DNAH11: variants seen among roughly 807,000 people sequenced by gnomAD.
The protein encoded by DNAH11 is axonemal beta dynein heavy chain 11.
In DNAH11, 442 loss-of-function variants were observed where a neutral mutation model predicts 526.0. That is an observed-to-expected ratio of 0.84 (90% CI 0.78 to 0.91). The LOEUF is 0.91. Ranked by LOEUF, DNAH11 falls within the 40% of genes least tolerant of loss-of-function variation. DNAH11 has a pLI of 0.00. For missense variants in DNAH11, 6,989 were observed against 5,448.7 expected (o/e 1.28, Z -8.90); for synonymous variants, 2,461 against 1,935.9 (o/e 1.27, Z -7.12).
Position 21,901,238 on chromosome 7 carries a change from T to C in DNAH11, c.13535T>C (p.Leu4512Pro), listed in dbSNP as rs1562614924. Reference protein sequence around the residue: ...TAKWVLAGVALLLEA With the variant: ...TAKWVLAGVAPLLEA ...AAATGGGTTCTGGCTGGAGTGGCTC[T>C]GCTTCTAGAAGCGTAAGGTAACACT... Residue 4512 changes from leucine to proline, a missense_variant, in exon 82 of 82, where the codon CTG becomes CCG. Transcript: ENST00000409508. 1 of 1,607,480 alleles carries C rather than the reference T, an allele frequency of 6.2e-7. No individual in the cohort carries two copies. Among genetic ancestry groups the C allele is most frequent in the East Asian group, 2.2e-5 (1 of 44,520 alleles).
intron 45 of DNAH11, among the ~76,000 whole-genome samples, chr7:21,733,736 G>A (rs1785487884): frequency 6.6e-6 from 1 of 152,092 alleles, no homozygotes; most frequent in African/African-American, 2.4e-5. Flanking sequence ...AATAATAATA[G>A]CAAATACAAT....
chr7:21,720,800 G>A lies in DNAH11; in HGVS notation c.7210G>A (p.Val2404Ile). ...TGACAGCCCAAAAGAAGTTTATGAA[G>A]TCTATTTTGTATTTGCTTGTATCTG... ...PSDSPKEVYEVYFVFACIWAF... is the reference protein window; with the variant it reads ...PSDSPKEVYEIYFVFACIWAF... Residue 2404 changes from valine to isoleucine, a missense_variant, in exon 44 of 82, where the codon GTC becomes ATC. By Grantham distance (29) the Val-to-Ile change is conservative. Transcript: ENST00000409508. 1.2e-6 allele frequency: 2 copies of A among 1,611,726 alleles called. No homozygotes were observed. The highest frequency in any genetic ancestry group is 1.7e-6 in the Non-Finnish European group (2 of 1,178,886).
intron 66 of DNAH11, among the ~76,000 whole-genome samples, chr7:21,844,132 A>G (rs113060306): frequency 0.022 from 3,417 of 152,312 alleles, 130 homozygotes; most frequent in African/African-American, 0.077. Flanking sequence ...AAACACAGCC[A>G]TGGCCAAACA....
chr7:21,739,716 T>G (rs1209153951), intron 48 of DNAH11, 43 bp downstream of exon 48: 1 of 1,464,198 alleles, frequency 6.8e-7, no homozygotes, highest in Admixed American at 1.8e-5. Flanking sequence ...AGGTCTGTAT[T>G]GTATTGTTTT....
At chr7:21,672,724 TC>T (rs1782693173) in intron 30 of DNAH11, among the ~76,000 whole-genome samples, 1 of 152,216 alleles carries the variant, frequency 6.6e-6, no homozygotes, top group South Asian at 2.1e-4. Flanking sequence ...AGATTTTTTT[TC>T]TTTGTTGCCT....
chr7:21,737,044 G>T (rs1043590572), intron 46 of DNAH11, among the ~76,000 whole-genome samples: 12 of 152,150 alleles, frequency 7.9e-5, no homozygotes, highest in African/African-American at 2.2e-4. Flanking sequence ...GCATGAATAC[G>T]ATTTAGAGAT....
intron 65 of DNAH11, among the ~76,000 whole-genome samples, chr7:21,819,101 C>G (rs775189419): frequency 6.6e-6 from 1 of 152,154 alleles, no homozygotes; most frequent in Non-Finnish European, 1.5e-5. Context: ...TCAAGAGACT[C>G]CTTATGCCTC....
intron 39 of DNAH11, among the ~76,000 whole-genome samples, chr7:21,707,267 C>T (rs572929609): frequency 3.9e-5 from 6 of 152,218 alleles, no homozygotes; most frequent in Non-Finnish European, 7.3e-5. Context: ...GAAATAGAAG[C>T]TCTGGGATTG....
chr7:21,868,803 C>G (rs1783385527), intron 72 of DNAH11, 61 bp from the exon 73 acceptor site: 5 of 1,603,546 alleles, frequency 3.1e-6, no homozygotes, highest in Non-Finnish European at 4.3e-6. Flanking sequence ...CCACAGAATT[C>G]CAGGCTCCTC....
chr7:21,744,089 A>T (rs1474044248), intron 49 of DNAH11, among the ~76,000 whole-genome samples: 2 of 152,010 alleles, frequency 1.3e-5, no homozygotes, highest in Admixed American at 1.3e-4. Flanking sequence ...AGTAAAAAAA[A>T]TATGATTCTG....
intron 12 of DNAH11, 92 bp downstream of exon 12, chr7:21,589,495 G>A: frequency 8.9e-7 from 1 of 1,128,416 alleles, no homozygotes; most frequent in Admixed American, 2.6e-5. Flanking sequence ...TTTACATTTG[G>A]GAAAATGTCA....
rs1292080996 is a variant in DNAH11, at chr7:21,564,385, C to G, written c.1182C>G (p.Leu394=). ...VIVLLQEFCN[L]FINQATAYLS... is the part of the protein sequence containing the mutation. ...TTTTATTGCAAGAGTTTTGTAATCT[C>G]TTCATTAACCAGGTATGAAGCATCA... The change falls in exon 6 of 82, where the codon CTC becomes CTG. Residue 394 remains leucine (L), a synonymous_variant. Coordinates refer to ENST00000409508, the MANE Select transcript of DNAH11 (RefSeq NM_001277115.2). 4 of 1,611,562 alleles carry G rather than the reference C, an allele frequency of 2.5e-6. No homozygotes were observed.
chr7:21,802,457 C>A (rs1462090794), intron 62 of DNAH11, among the ~76,000 whole-genome samples: 1 of 152,152 alleles, frequency 6.6e-6, no homozygotes, highest in Non-Finnish European at 1.5e-5. Context: ...ATACAATCAT[C>A]TACTCATAGG....
chr7:21,704,709 A>G lies in DNAH11; in HGVS notation c.6468+81A>G, dbSNP rs897041216. On this transcript the variant is annotated intron_variant, in intron 38 of 81. Coordinates refer to ENST00000409508, the MANE Select transcript of DNAH11 (RefSeq NM_001277115.2). ...TGTGGCTAATTGATACTAAAGCAAG[A>G]TGTTAACTTGTACCCTAACCTTAAT... The G allele has an allele frequency of 2.8e-5, 41 of 1,464,490 alleles. No homozygotes were observed. The East Asian group carries it at 8.9e-4, about 32-fold the overall frequency. The allele number at this position is 1,464,490 out of a possible 1,614,324, so 90.7% of individuals were successfully genotyped here.
chr7:21,754,010 C>G (rs1786521479), intron 54 of DNAH11, among the ~76,000 whole-genome samples: 1 of 152,138 alleles, frequency 6.6e-6, no homozygotes. Context: ...TTATAAACAG[C>G]TACCTTACTG....
intron 25 of DNAH11, among the ~76,000 whole-genome samples, chr7:21,632,123 G>A (rs185224527): frequency 3.5e-4 from 54 of 152,266 alleles, no homozygotes; most frequent in Non-Finnish European, 6.3e-4. Flanking sequence ...GCCACGTCCC[G>A]AGCTCTATGT....
At chr7:21,668,943 A>G (rs1782527870) in intron 30 of DNAH11, among the ~76,000 whole-genome samples, 2 of 152,186 alleles carry the variant, frequency 1.3e-5, no homozygotes, top group South Asian at 2.1e-4. Context: ...ACCATGGACA[A>G]TGTAACCGAA....
intron 2 of DNAH11, among the ~76,000 whole-genome samples, chr7:21,557,161 C>A (rs1325031152): frequency 3.9e-5 from 6 of 152,154 alleles, no homozygotes; most frequent in Admixed American, 6.5e-5. Flanking sequence ...GAGTTCTTCA[C>A]AAACTACCCG....
At chr7:21,831,546 C>G (rs1781770900) in intron 65 of DNAH11, among the ~76,000 whole-genome samples, 1 of 152,010 alleles carries the variant, frequency 6.6e-6, no homozygotes, top group Non-Finnish European at 1.5e-5. Flanking sequence ...GATGTAAAAC[C>G]CAGTTTTATA....
Sources: gnomAD v4.1 joint callset for allele counts (sites outside exome capture counted in the v4.1 genomes callset) on GRCh38, gnomAD v4.1.1 for gene constraint, MANE v1.5 for transcripts, NCBI Gene and HGNC (gene_info 2026-07-23, HGNC 2026-07-21) for gene names.